Variants in CMSS1 observed in about 807,000 individuals in gnomAD.
The protein encoded by CMSS1 is cms1 ribosomal small subunit homolog.
Under a neutral mutation model 43.5 loss-of-function variants are expected in CMSS1, and 33 were observed. The observed-to-expected ratio is 0.76, with a 90% CI of 0.57 to 1.01. The LOEUF (loss-of-function observed/expected upper bound fraction) is 1.01. CMSS1 is among the 50% of genes least tolerant of loss of function. The pLI is 0.00. For missense variants in CMSS1, 313 were observed against 326.4 expected, an observed-to-expected ratio of 0.96 and a Z score of 0.32; for synonymous variants, 115 against 117.2, an observed-to-expected ratio of 0.98 and a Z score of 0.12.
intron 1 of CMSS1, among the ~76,000 whole-genome samples, chr3:99,960,356 T>G (rs1708455302): frequency 6.6e-6 from 1 of 152,192 alleles, no homozygotes; most frequent in Non-Finnish European, 1.5e-5. Context: ...TGGCAGAACC[T>G]GGATGTCAGA....
At chr3:100,004,714 A>G (rs541061356) in intron 1 of CMSS1, among the ~76,000 whole-genome samples, 1 of 152,310 alleles carries the variant, frequency 6.6e-6, no homozygotes, top group South Asian at 2.1e-4. Context: ...GGGACTAGGT[A>G]GTGATAATAC....
At chr3:99,966,759 A>G (rs1708665876) in intron 1 of CMSS1, among the ~76,000 whole-genome samples, 1 of 152,202 alleles carries the variant, frequency 6.6e-6, no homozygotes, top group African/African-American at 2.4e-5. Flanking sequence ...GGTGAGCAGG[A>G]TCTCTGTAAA....
At chr3:100,147,571 T>C (rs2066864775) in intron 2 of CMSS1, among the ~76,000 whole-genome samples, 1 of 152,042 alleles carries the variant, frequency 6.6e-6, no homozygotes. Context: ...CTGCTCCTGG[T>C]TCCTAATGTT....
intron 1 of CMSS1, among the ~76,000 whole-genome samples, chr3:100,131,151 T>C (rs950345824): frequency 5.9e-5 from 9 of 152,222 alleles, no homozygotes; most frequent in Admixed American, 5.9e-4. Flanking sequence ...AAGTAGGTAC[T>C]GTTAATATCC....
intron 1 of CMSS1, among the ~76,000 whole-genome samples, chr3:100,074,603 A>G (rs1287078781): frequency 6.7e-6 from 1 of 149,674 alleles, no homozygotes; most frequent in Non-Finnish European, 1.5e-5. Flanking sequence ...TGCTTGAGAA[A>G]TACATCTTTC....
chr3:99,876,610 G>C (rs1400541569), intron 1 of CMSS1, among the ~76,000 whole-genome samples: 1 of 152,126 alleles, frequency 6.6e-6, no homozygotes, highest in Non-Finnish European at 1.5e-5. Context: ...GGAGAAGTCT[G>C]GGGTTTTGTG....
At position 99,818,036 on chromosome 3, in the gene CMSS1, C is replaced by A. The variant is rs1317632428; in HGVS notation, c.57C>A (p.Ser19Arg). ...WWENQPTGAG[S>R]SPEASDGEGE... ...AGAACCAGCCGACTGGAGCAGGCAG[C>A]AGCCCAGGTACCCACTCTGTGCCCG... Residue 19 changes from serine (S) to arginine (R), a missense_variant, in exon 1 of 10, where the codon AGC becomes AGA. Physicochemically the swap from Ser to Arg is moderately radical, Grantham distance 110 (BLOSUM62 -1). Coordinates refer to ENST00000421999, the MANE Select transcript of CMSS1 (RefSeq NM_032359.4). The A allele has an allele frequency of 1.1e-5, 17 of 1,613,460 alleles. No individual in the cohort carries two copies. Among genetic ancestry groups the A allele is most frequent in the Admixed American group, 1.7e-5 (1 of 60,008 alleles).
chr3:99,966,527 T>C (rs1255623547), intron 1 of CMSS1, among the ~76,000 whole-genome samples: 3 of 152,358 alleles, frequency 2.0e-5, no homozygotes, highest in African/African-American at 2.4e-5. Context: ...AGACTTAGAC[T>C]GAGTTCACTC....
At chr3:99,941,867 A>T (rs1656319796) in intron 1 of CMSS1, among the ~76,000 whole-genome samples, 1 of 152,152 alleles carries the variant, frequency 6.6e-6, no homozygotes, top group Admixed American at 6.6e-5. Context: ...ATGAGATAAA[A>T]CCTTGAAATT....
chr3:100,037,334 A>G (rs890012347), intron 1 of CMSS1, among the ~76,000 whole-genome samples: 1 of 152,202 alleles, frequency 6.6e-6, no homozygotes, highest in Non-Finnish European at 1.5e-5. Context: ...AAAAGTGGTA[A>G]AAATTTTAAT....
intron 1 of CMSS1, among the ~76,000 whole-genome samples, chr3:100,066,451 A>G (rs1029445179): frequency 2.0e-5 from 3 of 151,292 alleles, no homozygotes; most frequent in African/African-American, 4.9e-5. Context: ...GACTAAATAA[A>G]TGGTTTGAAT....
At chr3:100,091,298 A>G (rs940974225) in intron 1 of CMSS1, among the ~76,000 whole-genome samples, 20 of 152,058 alleles carry the variant, frequency 1.3e-4, no homozygotes, top group Non-Finnish European at 2.2e-4. Flanking sequence ...AAAAAAAAAA[A>G]AAAAGAAAAA....
chr3:99,836,196 C>T (rs985777296), intron 1 of CMSS1, among the ~76,000 whole-genome samples: 1 of 152,036 alleles, frequency 6.6e-6, no homozygotes, highest in East Asian at 1.9e-4. Flanking sequence ...ACCATCTGTC[C>T]TAAATTCTGG....
chr3:100,077,024 G>A (rs114075591), intron 1 of CMSS1, among the ~76,000 whole-genome samples: 1,983 of 152,292 alleles, frequency 0.013, 36 homozygotes, highest in African/African-American at 0.045. Context: ...GAGGGCTTTC[G>A]GAACAAGGCT....
At chr3:100,088,594 C>G (rs1374351240) in intron 1 of CMSS1, among the ~76,000 whole-genome samples, 1 of 152,030 alleles carries the variant, frequency 6.6e-6, no homozygotes, top group African/African-American at 2.4e-5. Flanking sequence ...CAAAGCACAC[C>G]AGTTTCCTCA....
intron 1 of CMSS1, among the ~76,000 whole-genome samples, chr3:99,922,102 C>A (rs1707143686): frequency 6.6e-6 from 1 of 152,186 alleles, no homozygotes; most frequent in South Asian, 2.1e-4. Flanking sequence ...GTGGTAAGCC[C>A]CCTGGGCAGG....
At chr3:99,886,905 G>C (rs544767118) in intron 1 of CMSS1, among the ~76,000 whole-genome samples, 12 of 151,730 alleles carry the variant, frequency 7.9e-5, no homozygotes, top group Admixed American at 5.9e-4. Context: ...GGGAGGCAGA[G>C]GTTGTAGTGA....
chr3:99,850,466 C>G (rs1271690590), intron 1 of CMSS1: 7 of 1,613,982 alleles, frequency 4.3e-6, no homozygotes, highest in Non-Finnish European at 5.1e-6. Flanking sequence ...GTCTCCCTTT[C>G]AAGCCTCTTA....
At chr3:100,017,776 A>G (rs1372309625) in intron 1 of CMSS1, among the ~76,000 whole-genome samples, 1 of 152,206 alleles carries the variant, frequency 6.6e-6, no homozygotes, top group South Asian at 2.1e-4. Flanking sequence ...AATACAAAAA[A>G]AAGAAACACT....
Sources: gnomAD v4.1 joint callset for allele counts (sites outside exome capture counted in the v4.1 genomes callset) on GRCh38, gnomAD v4.1.1 for gene constraint, MANE v1.5 for transcripts, NCBI Gene and HGNC (gene_info 2026-07-23, HGNC 2026-07-21) for gene names.